NXPE1: variants seen among roughly 807,000 people sequenced by gnomAD.
NXPE1 encodes neurexophilin and PC-esterase domain family member 1.
In NXPE1, 31 loss-of-function variants were observed where a neutral mutation model predicts 33.3. The observed-to-expected ratio is 0.93, with a 90% CI of 0.70 to 1.26. The LOEUF is 1.26. Among genes scored for constraint, NXPE1 ranks in the 50% most tolerant of loss-of-function variants. The probability of loss-of-function intolerance (pLI) is 0.00; values close to 1 mark genes in which losing one functional copy is unlikely to be tolerated. For synonymous variants in NXPE1, 229 were observed against 231.4 expected (o/e 0.99, Z 0.09); for missense variants, 661 against 655.6 (o/e 1.01, Z -0.09).
rs1362858301 is a variant in NXPE1, at chr11:114,537,301, A to G, written c.100-6393T>C. Among the ~76,000 whole-genome samples, 3 of 152,362 alleles carry G rather than the reference A, an allele frequency of 2.0e-5. No homozygotes were observed. The East Asian group carries it at 5.8e-4, about 29-fold the overall frequency. ...TATCTCAAAATAATAAGAGCTATCT[A>G]TGACAACCCCACAGCCAATATCATA... On this transcript the variant is annotated intron_variant, in intron 5 of 8. Coordinates refer to ENST00000534921, the Ensembl canonical transcript of NXPE1.
At chr11:114,540,214 C>T (rs1350247473) in intron 5 of NXPE1, among the ~76,000 whole-genome samples, 2 of 152,166 alleles carry the variant, frequency 1.3e-5, no homozygotes, top group Non-Finnish European at 1.5e-5. Flanking sequence ...GCCTCGGCCT[C>T]CCAAAGTGCT....
chr11:114,534,384 T>C (rs1383999114), intron 5 of NXPE1, among the ~76,000 whole-genome samples: 1 of 152,072 alleles, frequency 6.6e-6, no homozygotes, highest in Non-Finnish European at 1.5e-5. Context: ...GCGCCTCTTC[T>C]CCTCCAAAGG....
chr11:114,535,987 C>T (rs1276804717), intron 5 of NXPE1, among the ~76,000 whole-genome samples: 5 of 152,168 alleles, frequency 3.3e-5, no homozygotes, highest in Admixed American at 2.0e-4. Context: ...ACATTCTTTT[C>T]AGCACCACAC....
chr11:114,521,766 T>C (rs568111661), exon 9 of NXPE1: 1 of 502,544 alleles, frequency 2.0e-6, no homozygotes, highest in Middle Eastern at 5.1e-4. Context: ...GAACCAGGCA[T>C]GGTATAGTCA....
chr11:114,538,920 C>G lies in NXPE1; in HGVS notation c.100-8012G>C, dbSNP rs1187649503. On this transcript the variant is annotated intron_variant, in intron 5 of 8. Transcript: ENST00000534921. ...AACTAGAAATACCATTTGACCCAGCCATCCCATTACTGGGTATATACCCAA... is the reference window on the plus strand; with the variant it reads ...AACTAGAAATACCATTTGACCCAGCGATCCCATTACTGGGTATATACCCAA... Among the ~76,000 whole-genome samples, 2 of 152,160 alleles carry G rather than the reference C, an allele frequency of 1.3e-5. 1 individual carries two copies. Among genetic ancestry groups the G allele is most frequent in the South Asian group, 4.2e-4 (2 of 4,816 alleles).
intron 7 of NXPE1, 59 bp from the exon 8 acceptor site, chr11:114,523,150 T>G: frequency 8.3e-7 from 1 of 1,207,332 alleles, no homozygotes; most frequent in East Asian, 2.4e-5. Flanking sequence ...TCTAGCCTTC[T>G]TTCCTGGTCT....
intron 5 of NXPE1, among the ~76,000 whole-genome samples, chr11:114,539,744 T>C (rs1948010604): frequency 6.6e-6 from 1 of 152,144 alleles, no homozygotes; most frequent in Admixed American, 6.5e-5. Flanking sequence ...TGAAATAAAA[T>C]ATAATTGTAA....
At chr11:114,521,909 A>G (rs1044321015) in exon 9 of NXPE1, 53 of 1,276,494 alleles carry the variant, frequency 4.2e-5, no homozygotes, top group Non-Finnish European at 5.6e-5. Flanking sequence ...TTACTTTACA[A>G]TACATGTGGG....
intron 5 of NXPE1, among the ~76,000 whole-genome samples, chr11:114,539,515 G>T (rs2135036914): frequency 6.6e-6 from 1 of 152,178 alleles, no homozygotes; most frequent in Admixed American, 6.5e-5. Flanking sequence ...TTTTTTAAAG[G>T]TCTGAATGAA....
intron 5 of NXPE1, among the ~76,000 whole-genome samples, chr11:114,535,517 T>C (rs1947781437): frequency 6.6e-6 from 1 of 152,146 alleles, no homozygotes; most frequent in Admixed American, 6.5e-5. Flanking sequence ...GACCCATCAG[T>C]GTGCTGTATT....
chr11:114,529,562 G>A (rs12269781), intron 6 of NXPE1: 34,277 of 152,076 alleles, frequency 0.23, 5,394 homozygotes, highest in African/African-American at 0.44. Flanking sequence ...TGTTGAACCA[G>A]GGGTTTGCAG....
intron 5 of NXPE1, among the ~76,000 whole-genome samples, chr11:114,537,200 T>C (rs12280261): frequency 0.017 from 2,651 of 152,302 alleles, 59 homozygotes; most frequent in African/African-American, 0.057. Flanking sequence ...TCTCAATAGA[T>C]GCAGAAAGGG....
At chr11:114,534,009 A>T (rs935801959) in intron 5 of NXPE1, among the ~76,000 whole-genome samples, 1 of 152,118 alleles carries the variant, frequency 6.6e-6, no homozygotes, top group South Asian at 2.1e-4. Context: ...CCTGACCCCC[A>T]AGTAGCCTAA....
intron 1 of NXPE1, among the ~76,000 whole-genome samples, chr11:114,555,036 A>C (rs563473568): frequency 2.9e-3 from 430 of 149,482 alleles, no homozygotes; most frequent in African/African-American, 9.2e-3. Context: ...GCATCTTGGG[A>C]GTCCTTTTTT....
chr11:114,553,988 A>C (rs76667985), intron 1 of NXPE1: 59 of 985,290 alleles, frequency 6.0e-5, no homozygotes, highest in African/African-American at 1.2e-4. Context: ...CTCAAAGTCA[A>C]CTTGTCCAAT....
intron 5 of NXPE1, among the ~76,000 whole-genome samples, chr11:114,538,685 G>A (rs1947946880): frequency 6.6e-6 from 1 of 152,152 alleles, no homozygotes; most frequent in African/African-American, 2.4e-5. Flanking sequence ...GTGAAAAAAT[G>A]CTCATCATCA....
intron 5 of NXPE1, among the ~76,000 whole-genome samples, chr11:114,533,212 C>A (rs1034197704): frequency 6.6e-6 from 1 of 152,088 alleles, no homozygotes; most frequent in African/African-American, 2.4e-5. Flanking sequence ...CCAGAGTTAG[C>A]AAATTATTAG....
At position 114,530,857 on chromosome 11, in the gene NXPE1, C is replaced by T. The variant is rs145902366; in HGVS notation, c.151G>A (p.Ala51Thr). The T allele has an allele frequency of 1.9e-4, 314 of 1,613,592 alleles. 1 individual carries two copies. The East Asian group carries it at 4.4e-3, about 23-fold the overall frequency. The change falls in exon 6 of 9, where the codon GCA becomes ACA. Residue 51 changes from alanine (A) to threonine (T), a missense_variant. Transcript: ENST00000534921. ...GATGTTTTAGGGAATAAGGACTTTG[C>T]GGAGTTGTTCCAGTAATGGACAGAG...
intron 1 of NXPE1, among the ~76,000 whole-genome samples, chr11:114,557,957 T>G (rs1473313883): frequency 6.6e-6 from 1 of 152,018 alleles, no homozygotes; most frequent in Non-Finnish European, 1.5e-5. Flanking sequence ...TTGAATATGT[T>G]ACCTCATTTT....
Sources: allele counts gnomAD v4.1 joint callset (sites outside exome capture counted in the v4.1 genomes callset), GRCh38; gene constraint gnomAD v4.1.1; transcripts MANE v1.5; gene names NCBI Gene and HGNC (gene_info 2026-07-23, HGNC 2026-07-21).